The following TGFBR1 variants were observed in gnomAD, a reference collection of about 807,000 sequenced individuals.
TGFBR1 encodes TGF-beta receptor type-1.
TGFBR1 carries 20 observed loss-of-function variants against 55.1 expected under a neutral mutation model. The ratio of observed to expected loss-of-function variants is 0.36; its 90% CI spans 0.26 to 0.53. The LOEUF is 0.53. Among genes scored for constraint, TGFBR1 ranks in the 20% least tolerant of loss-of-function variants. The pLI is 0.91. For missense variants in TGFBR1, 385 were observed against 617.6 expected, an observed-to-expected ratio of 0.62 and a Z score of 3.99; for synonymous variants, 220 against 214.8, an observed-to-expected ratio of 1.02 and a Z score of -0.21.
intron 3 of TGFBR1, among the ~76,000 whole-genome samples, chr9:99,136,660 G>T (rs929870656): frequency 6.6e-5 from 10 of 152,132 alleles, no homozygotes; most frequent in Non-Finnish European, 8.8e-5. Flanking sequence ...AGGAGGTGGG[G>T]AGGGTAGAGC....
At position 99,142,567 on chromosome 9, in the gene TGFBR1, G is replaced by T; in HGVS notation, c.837G>T (p.Val279=). ...DNGTWTQLWL[V]SDYHEHGSLF... ...GTACTTGGACTCAGCTCTGGTTGGT[G>T]TCAGATTATCATGAGCATGGATCCC... Residue 279 remains valine, a synonymous_variant, in exon 5 of 9, where the codon GTG becomes GTT. Coordinates refer to ENST00000374994, the MANE Select transcript of TGFBR1 (RefSeq NM_004612.4). 1 of 1,614,054 alleles carries T rather than the reference G, an allele frequency of 6.2e-7. No homozygotes were observed.
intron 8 of TGFBR1, 142 bp downstream of exon 8, chr9:99,147,926 T>A: frequency 9.7e-7 from 1 of 1,031,184 alleles, no homozygotes; most frequent in Non-Finnish European, 1.4e-6. Context: ...AAAAACAGAA[T>A]AATTTGGTTT....
At position 99,149,207 on chromosome 9, in the gene TGFBR1, A is replaced by C; in HGVS notation, c.1414A>C (p.Arg472=). Residue 472 remains arginine, a synonymous_variant, in exon 9 of 9, where the codon AGA becomes CGA. Coordinates refer to ENST00000374994, the MANE Select transcript of TGFBR1 (RefSeq NM_004612.4). ...EALRVMAKIM[R]ECWYANGAAR... ...CTTGAGAGTAATGGCTAAAATTATGAGAGAATGTTGGTATGCCAATGGAGC... is the reference window on the plus strand; with the variant it reads ...CTTGAGAGTAATGGCTAAAATTATGCGAGAATGTTGGTATGCCAATGGAGC... 1 of 1,613,004 alleles carries C rather than the reference A, an allele frequency of 6.2e-7. No individual in the cohort carries two copies.
chr9:99,126,090 G>A (rs957218676), intron 1 of TGFBR1, among the ~76,000 whole-genome samples: 2 of 152,186 alleles, frequency 1.3e-5, no homozygotes, highest in African/African-American at 4.8e-5. Context: ...CAAAGATCCT[G>A]TTGAAATAGG....
chr9:99,138,210 C>T, intron 4 of TGFBR1, 121 bp downstream of exon 4: 7 of 849,248 alleles, frequency 8.2e-6, no homozygotes, highest in Non-Finnish European at 1.3e-5. Flanking sequence ...GTAGATTAGA[C>T]CCATTAAGTC....
chr9:99,148,702 T>C (rs563210284), intron 8 of TGFBR1, among the ~76,000 whole-genome samples: 19 of 152,202 alleles, frequency 1.2e-4, no homozygotes, highest in African/African-American at 4.6e-4. Flanking sequence ...CTAGATTTTG[T>C]CTTTTAGAAA....
chr9:99,145,617 G>A (rs1027152392), intron 6 of TGFBR1, among the ~76,000 whole-genome samples: 1 of 152,170 alleles, frequency 6.6e-6, no homozygotes, highest in Non-Finnish European at 1.5e-5. Flanking sequence ...AATTAGGTAG[G>A]TGTTATTACC....
intron 2 of TGFBR1, among the ~76,000 whole-genome samples, chr9:99,131,550 A>G (rs1240638970): frequency 1.3e-5 from 2 of 152,232 alleles, no homozygotes; most frequent in African/African-American, 4.8e-5. Context: ...AATCTTAATT[A>G]TTAATAGAAG....
At chr9:99,139,449 G>A in intron 4 of TGFBR1, among the ~76,000 whole-genome samples, 1 of 152,014 alleles carries the variant, frequency 6.6e-6, no homozygotes, top group South Asian at 2.1e-4. Flanking sequence ...TTTCCAATAT[G>A]TAGAAAAGCA....
rs1827977553 is a variant in TGFBR1 at position 99,151,408 on chromosome 9, T to TTTTTTTTTTTTTTTTTTG, written c.*2105_*2106insTTTTTTTTTTTTTTTGTT. 4.5e-6 allele frequency: 1 copy of TTTTTTTTTTTTTTTTTTG among 221,088 alleles called. No individual in the cohort carries two copies. Among genetic ancestry groups the TTTTTTTTTTTTTTTTTTG allele is most frequent in the Non-Finnish European group, 8.9e-6 (1 of 111,988 alleles). The allele number at this position is 221,088 out of a possible 1,614,324, so 13.7% of individuals were successfully genotyped here. On this transcript the variant is annotated 3_prime_UTR_variant, in exon 9 of 9. Transcript: ENST00000374994. ...GGGGTTTTTTTTTTGTTTTTTTTTT[T>TTTTTTTTTTTTTTTTTTG]TTGTTGTTGTTTTTGGGCCATTTCT...
rs1827925858 is a variant in TGFBR1 at position 99,149,725 on chromosome 9, A to G, written c.*420A>G. ...CTCCTGGTTAGTACATTCTCAGAGGATTCTGAACCACTAGAGTTTCCTTGA... is the reference window on the plus strand; with the variant it reads ...CTCCTGGTTAGTACATTCTCAGAGGGTTCTGAACCACTAGAGTTTCCTTGA... On this transcript the variant is annotated 3_prime_UTR_variant, in exon 9 of 9. Coordinates refer to ENST00000374994, the MANE Select transcript of TGFBR1 (RefSeq NM_004612.4). 3.8e-6 allele frequency: 1 copy of G among 263,802 alleles called. No individual in the cohort carries two copies. Among genetic ancestry groups the G allele is most frequent in the Admixed American group, 4.8e-5 (1 of 20,780 alleles). The allele number at this position is 263,802 out of a possible 1,614,324, so 16.3% of individuals were successfully genotyped here.
At chr9:99,140,792 G>A (rs567807168) in intron 4 of TGFBR1, among the ~76,000 whole-genome samples, 1 of 152,256 alleles carries the variant, frequency 6.6e-6, no homozygotes, top group African/African-American at 2.4e-5. Context: ...CCATTTGAAA[G>A]CTTAAACCTC....
At chr9:99,108,828 A>G (rs184629661) in intron 1 of TGFBR1, among the ~76,000 whole-genome samples, 7 of 152,318 alleles carry the variant, frequency 4.6e-5, no homozygotes, top group Non-Finnish European at 1.0e-4. Context: ...AACAAAACAT[A>G]AAAGTAATCA....
At chr9:99,123,421 T>C (rs960824730) in intron 1 of TGFBR1, among the ~76,000 whole-genome samples, 3 of 152,074 alleles carry the variant, frequency 2.0e-5, no homozygotes, top group African/African-American at 7.2e-5. Flanking sequence ...TTGGTTCTTA[T>C]TTTTGCTATC....
At chr9:99,135,508 A>G (rs114313678) in intron 3 of TGFBR1, among the ~76,000 whole-genome samples, 237 of 152,352 alleles carry the variant, frequency 1.6e-3, no homozygotes, top group Middle Eastern at 0.01. Context: ...CTCTACCTCT[A>G]AAGACTGTGC....
chr9:99,146,770 A>G (rs1827810327), intron 7 of TGFBR1, among the ~76,000 whole-genome samples, 161 bp downstream of exon 7: 1 of 152,164 alleles, frequency 6.6e-6, no homozygotes, highest in Non-Finnish European at 1.5e-5. Context: ...TTGGGAGGGG[A>G]CAGTGCCATG....
Position 99,153,001 on chromosome 9 carries a change from G to A in TGFBR1, c.*3696G>A, listed in dbSNP as rs1038805807. ...TCAACCTGTTTATTACAACTTAAAA[G>A]GAACTTCAGTGAATTTGTTTTTATT... On this transcript the variant is annotated 3_prime_UTR_variant, in exon 9 of 9. Transcript: ENST00000374994. 1 of 228,516 alleles carries A rather than the reference G, an allele frequency of 4.4e-6. No homozygotes were observed. Among genetic ancestry groups the A allele is most frequent in the South Asian group, 1.8e-4 (1 of 5,494 alleles). The allele number at this position is 228,516 out of a possible 1,614,324, so 14.2% of individuals were successfully genotyped here.
At chr9:99,117,888 T>G (rs188671084) in intron 1 of TGFBR1, among the ~76,000 whole-genome samples, 50 of 152,356 alleles carry the variant, frequency 3.3e-4, no homozygotes, top group African/African-American at 1.1e-3. Context: ...CTGATTTGAT[T>G]TTATTGAATC....
chr9:99,125,781 G>A (rs1360220961), intron 1 of TGFBR1, among the ~76,000 whole-genome samples: 1 of 152,168 alleles, frequency 6.6e-6, no homozygotes, highest in Admixed American at 6.5e-5. Flanking sequence ...TATCTTTGAA[G>A]TGAAAATATG....
Sources: allele counts gnomAD v4.1 joint callset (sites outside exome capture counted in the v4.1 genomes callset), GRCh38; gene constraint gnomAD v4.1.1; transcripts MANE v1.5; gene names NCBI Gene and HGNC (gene_info 2026-07-23, HGNC 2026-07-21).